COL22A1: variants seen among roughly 807,000 people sequenced by gnomAD.
COL22A1 encodes the protein collagen alpha-1(XXII) chain.
A neutral mutation model predicts 248.9 loss-of-function variants in COL22A1; 221 were observed. The observed-to-expected ratio is 0.89, with a 90% CI of 0.80 to 0.99. The LOEUF is 0.99. COL22A1 is among the 50% of genes least tolerant of loss of function. The pLI, the probability that COL22A1 is intolerant of heterozygous loss-of-function variation, is 0.00. For missense variants in COL22A1, 2,240 were observed against 2,179.0 expected (o/e 1.03, Z -0.56); for synonymous variants, 891 against 793.4 (o/e 1.12, Z -2.07).
At chr8:138,737,291 AT>A (rs1341769144) in intron 23 of COL22A1, among the ~76,000 whole-genome samples, 1 of 151,912 alleles carries the variant, frequency 6.6e-6, no homozygotes, top group Non-Finnish European at 1.5e-5. Flanking sequence ...TATCACCCCC[AT>A]CTGCCTCCAG....
chr8:138,883,808 C>T (rs139620003), intron 1 of COL22A1, among the ~76,000 whole-genome samples: 1 of 152,332 alleles, frequency 6.6e-6, no homozygotes, highest in Non-Finnish European at 1.5e-5. Context: ...CCATGCGGAA[C>T]AATGAGTCAA....
At chr8:138,618,571 T>TG (rs1484549702) in intron 53 of COL22A1, among the ~76,000 whole-genome samples, 3 of 151,182 alleles carry the variant, frequency 2.0e-5, no homozygotes, top group Non-Finnish European at 2.9e-5. Flanking sequence ...TGCAATCATG[T>TG]GAAAAACAAG....
rs147388593 is a variant in COL22A1, at chr8:138,726,863, G to A, written c.2140-1423C>T. On this transcript the variant is annotated intron_variant, in intron 23 of 64. Coordinates refer to ENST00000303045, the MANE Select transcript of COL22A1 (RefSeq NM_152888.3). ...TGAGGAGGAGCGACTTTGCCGTGAA[G>A]GTCTTGGAAGTAACTGAAGGAGCAC... Among the ~76,000 whole-genome samples the A allele has an allele frequency of 4.6e-5, 7 of 152,318 alleles. No homozygotes were observed. In the East Asian group the frequency reaches 1.4e-3, roughly 29 times the overall value.
intron 2 of COL22A1, among the ~76,000 whole-genome samples, chr8:138,879,711 A>AG (rs1824032976): frequency 6.7e-6 from 1 of 148,266 alleles, no homozygotes; most frequent in Non-Finnish European, 1.5e-5. Context: ...AAAAAAAAAA[A>AG]AAAGAAGAAG....
At chr8:138,652,240 C>T (rs776480337) in intron 45 of COL22A1, among the ~76,000 whole-genome samples, 8 of 152,222 alleles carry the variant, frequency 5.3e-5, no homozygotes, top group East Asian at 1.9e-4. Flanking sequence ...CTTGCCCATA[C>T]GCCACTTGAA....
Position 138,722,028 on chromosome 8 carries a change from T to G in COL22A1, c.2301+8A>C. The stretch of plus-strand genomic sequence containing the variant: ...CCCAAACTGGTGCCAACCGCATCAG[T>G]GACCAACCTTGGTTCCTGGCGGACC... On this transcript the variant is annotated splice_region_variant and intron_variant, in intron 26 of 64. Transcript: ENST00000303045. 6.4e-7 allele frequency: 1 copy of G among 1,569,138 alleles called. No homozygotes were observed. The highest frequency in any genetic ancestry group is 8.7e-7 in the Non-Finnish European group (1 of 1,154,716).
At chr8:138,778,032 T>C in intron 15 of COL22A1, 1 of 428,034 alleles carries the variant, frequency 2.3e-6, no homozygotes. Context: ...CAGGACAGGC[T>C]GGGGAAAATG....
chr8:138,703,267 G>C (rs1233226385), intron 31 of COL22A1, 39 bp downstream of exon 31: 1 of 1,574,740 alleles, frequency 6.4e-7, no homozygotes, highest in East Asian at 2.2e-5. Context: ...CCCAATATAG[G>C]AATTCAGAGG....
intron 18 of COL22A1, 68 bp from the exon 19 acceptor site, chr8:138,755,897 T>C: frequency 2.9e-6 from 4 of 1,394,364 alleles, no homozygotes; most frequent in Non-Finnish European, 4.1e-6. Context: ...CCCATCCCTC[T>C]GAGGCTTATT....
chr8:138,804,464 C>T (rs1351634203), intron 10 of COL22A1, among the ~76,000 whole-genome samples: 1 of 152,224 alleles, frequency 6.6e-6, no homozygotes, highest in Non-Finnish European at 1.5e-5. Flanking sequence ...GCAGCCATTA[C>T]TAAACAGCCC....
intron 4 of COL22A1, among the ~76,000 whole-genome samples, chr8:138,836,790 T>TA (rs1448384055): frequency 6.6e-6 from 1 of 152,254 alleles, no homozygotes; most frequent in Non-Finnish European, 1.5e-5. Context: ...CTGCATTTTT[T>TA]ACATAACAGT....
intron 47 of COL22A1, among the ~76,000 whole-genome samples, chr8:138,639,948 G>A (rs764238247): frequency 5.3e-5 from 8 of 152,208 alleles, no homozygotes; most frequent in African/African-American, 9.6e-5. Flanking sequence ...ACACATAGAC[G>A]GCCACCGCAA....
intron 1 of COL22A1, among the ~76,000 whole-genome samples, chr8:138,909,491 G>A (rs918327544): frequency 1.3e-5 from 2 of 152,018 alleles, no homozygotes; most frequent in Admixed American, 1.3e-4. Flanking sequence ...CCGGTGTGCA[G>A]TCAAAGGAAA....
At chr8:138,887,071 CTCTT>C (rs1824723908) in intron 1 of COL22A1, among the ~76,000 whole-genome samples, 2 of 152,116 alleles carry the variant, frequency 1.3e-5, no homozygotes, top group African/African-American at 4.8e-5. Context: ...TCCAACTACA[CTCTT>C]TATTTTAAAA....
chr8:138,870,238 G>C (rs1460927866), intron 3 of COL22A1, among the ~76,000 whole-genome samples: 2 of 151,866 alleles, frequency 1.3e-5, no homozygotes, highest in African/African-American at 4.8e-5. Context: ...GGGTGGGTGT[G>C]TCTATGGTGT....
intron 12 of COL22A1, among the ~76,000 whole-genome samples, chr8:138,785,760 G>A (rs1048985818): frequency 2.6e-5 from 4 of 152,190 alleles, no homozygotes; most frequent in Non-Finnish European, 5.9e-5. Flanking sequence ...ATGTCTGTGT[G>A]AATTTCTCTC....
chr8:138,889,957 T>C (rs145179428), intron 1 of COL22A1, among the ~76,000 whole-genome samples: 324 of 152,310 alleles, frequency 2.1e-3, no homozygotes, highest in African/African-American at 7.0e-3. Context: ...CAATATCCTT[T>C]ATAAACATAG....
intron 9 of COL22A1, 27 bp downstream of exon 9, chr8:138,811,772 G>T (rs1324056335): frequency 6.2e-7 from 1 of 1,612,460 alleles, no homozygotes; most frequent in African/African-American, 1.3e-5. Flanking sequence ...GGTTCTGCTG[G>T]GGCTGAAGGT....
chr8:138,823,051 T>C (rs1819274865), intron 6 of COL22A1, among the ~76,000 whole-genome samples: 1 of 152,216 alleles, frequency 6.6e-6, no homozygotes, highest in Non-Finnish European at 1.5e-5. Flanking sequence ...GGGCTGTCTC[T>C]TGCTAGCCTA....
Sources: allele counts gnomAD v4.1 joint callset (sites outside exome capture counted in the v4.1 genomes callset), GRCh38; gene constraint gnomAD v4.1.1; transcripts MANE v1.5; gene names NCBI Gene and HGNC (gene_info 2026-07-23, HGNC 2026-07-21).